The following INSYN2B variants were observed in gnomAD, a reference collection of about 807,000 sequenced individuals.
INSYN2B encodes the protein protein INSYN2B.
In INSYN2B, 16 loss-of-function variants were observed where a neutral mutation model predicts 41.2. That is an observed-to-expected ratio of 0.39 (90% CI 0.26 to 0.59). The LOEUF is 0.59. INSYN2B is among the 20% of genes least tolerant of loss of function. The pLI is 0.57. For synonymous variants in INSYN2B, 245 were observed against 244.4 expected (o/e 1.00, Z -0.02); for missense variants, 608 against 646.4 (o/e 0.94, Z 0.64).
intron 1 of INSYN2B, among the ~76,000 whole-genome samples, chr5:169,892,634 T>A (rs927371993): frequency 6.6e-6 from 1 of 152,208 alleles, no homozygotes; most frequent in African/African-American, 2.4e-5. Context: ...TCTAATTGCA[T>A]TTGTCACAGA....
At chr5:169,870,097 G>C (rs1246004865) in intron 3 of INSYN2B, among the ~76,000 whole-genome samples, 2 of 152,198 alleles carry the variant, frequency 1.3e-5, no homozygotes, top group Non-Finnish European at 2.9e-5. Flanking sequence ...CATGGGACCT[G>C]TGGTTTAGGG....
intron 1 of INSYN2B, among the ~76,000 whole-genome samples, chr5:169,915,080 A>G (rs1283995409): frequency 6.6e-6 from 1 of 152,218 alleles, no homozygotes; most frequent in Non-Finnish European, 1.5e-5. Flanking sequence ...CTTAGAATCA[A>G]TTCTAGGCCT....
At chr5:169,925,176 C>G (rs1775368397) in intron 1 of INSYN2B, among the ~76,000 whole-genome samples, 1 of 152,140 alleles carries the variant, frequency 6.6e-6, no homozygotes, top group Non-Finnish European at 1.5e-5. Flanking sequence ...AAAGGGGACT[C>G]TGTAGTAGGG....
intron 3 of INSYN2B, among the ~76,000 whole-genome samples, chr5:169,874,276 G>C (rs1772172431): frequency 6.6e-6 from 1 of 152,036 alleles, no homozygotes; most frequent in Admixed American, 6.6e-5. Context: ...AGCTGGGTGT[G>C]GTGGCGGGCA....
intron 3 of INSYN2B, among the ~76,000 whole-genome samples, chr5:169,874,373 A>G (rs1772178919): frequency 6.8e-6 from 1 of 146,780 alleles, no homozygotes; most frequent in Admixed American, 7.3e-5. Flanking sequence ...AGATTGTGCA[A>G]CTGCACTCCA....
intron 1 of INSYN2B, among the ~76,000 whole-genome samples, chr5:169,943,939 A>G (rs969006220): frequency 3.3e-5 from 5 of 152,228 alleles, no homozygotes; most frequent in Admixed American, 3.3e-4. Context: ...AAATTTAGAA[A>G]AGCCACTTTG....
At chr5:169,882,462 T>G in intron 2 of INSYN2B, 91 bp downstream of exon 2, 1 of 1,126,990 alleles carries the variant, frequency 8.9e-7, no homozygotes, top group Non-Finnish European at 1.2e-6. Context: ...TTGGAGACAT[T>G]TTTACTAAAA....
chr5:169,896,829 A>T (rs1773638898), intron 1 of INSYN2B, among the ~76,000 whole-genome samples: 1 of 152,250 alleles, frequency 6.6e-6, no homozygotes, highest in Non-Finnish European at 1.5e-5. Flanking sequence ...AAATGTTTAT[A>T]ATAAAATGCA....
intron 3 of INSYN2B, among the ~76,000 whole-genome samples, chr5:169,879,408 A>G (rs759457280): frequency 2.6e-5 from 4 of 152,186 alleles, no homozygotes; most frequent in African/African-American, 7.2e-5. Flanking sequence ...TGTTACTACG[A>G]TGGGGCTGTT....
chr5:169,929,405 C>A (rs965503964), intron 1 of INSYN2B, among the ~76,000 whole-genome samples: 1 of 152,074 alleles, frequency 6.6e-6, no homozygotes, highest in Non-Finnish European at 1.5e-5. Flanking sequence ...TACAGAACTC[C>A]TAGCTTATCT....
intron 1 of INSYN2B, among the ~76,000 whole-genome samples, chr5:169,918,643 T>C (rs1436078090): frequency 6.6e-6 from 1 of 152,230 alleles, no homozygotes; most frequent in Admixed American, 6.5e-5. Flanking sequence ...CCAGGTGCAG[T>C]GGCTCATGCC....
At chr5:169,916,659 G>A (rs966529634) in intron 1 of INSYN2B, among the ~76,000 whole-genome samples, 1 of 139,246 alleles carries the variant, frequency 7.2e-6, no homozygotes, top group East Asian at 2.1e-4. Flanking sequence ...TATTAGGTTA[G>A]GGATTGGTAA....
At chr5:169,887,201 A>T (rs925456145) in intron 1 of INSYN2B, among the ~76,000 whole-genome samples, 1 of 152,124 alleles carries the variant, frequency 6.6e-6, no homozygotes, top group Non-Finnish European at 1.5e-5. Flanking sequence ...CCACATTTTC[A>T]TTCTGAAAGT....
chr5:169,941,360 C>A (rs1433940603), intron 1 of INSYN2B, among the ~76,000 whole-genome samples: 3 of 152,036 alleles, frequency 2.0e-5, no homozygotes, highest in Admixed American at 1.3e-4. Flanking sequence ...GGCCTGTGCC[C>A]CCAGGCCCAG....
At chr5:169,944,266 C>T (rs1033497530) in intron 1 of INSYN2B, among the ~76,000 whole-genome samples, 4 of 152,184 alleles carry the variant, frequency 2.6e-5, no homozygotes, top group African/African-American at 9.7e-5. Flanking sequence ...CTGTGACCTG[C>T]CCATGCACAG....
chr5:169,955,748 T>G (rs1422691), intron 1 of INSYN2B, among the ~76,000 whole-genome samples: 150,008 of 152,270 alleles, frequency 0.99, 73,891 homozygotes, highest in Middle Eastern at 1. Flanking sequence ...TCTTCATCTG[T>G]GTAATGGGCA....
At chr5:169,951,993 A>G (rs780938369) in intron 1 of INSYN2B, among the ~76,000 whole-genome samples, 4 of 152,214 alleles carry the variant, frequency 2.6e-5, no homozygotes, top group Non-Finnish European at 4.4e-5. Flanking sequence ...TATACAAATG[A>G]CATTGTTGGT....
Position 169,883,028 on chromosome 5 carries a change from C to T in INSYN2B, c.871G>A (p.Gly291Ser). The T allele has an allele frequency of 6.4e-7, 1 of 1,551,566 alleles. No homozygotes were observed. The highest frequency in any genetic ancestry group is 8.7e-7 in the Non-Finnish European group (1 of 1,146,948). ...PKDNSDDKDL[G>S]SLSSQSKETC... ...TCCTTTGACTGAGATGACAGTGAGC[C>T]AAGGTCTTTGTCATCTGAGTTGTCT... is the stretch of plus-strand genomic sequence containing the variant. Residue 291 changes from glycine (G) to serine (S), a missense_variant, in exon 2 of 4, where the codon GGC (glycine) becomes AGC (serine). Physicochemically the swap from Gly to Ser is moderately conservative, Grantham distance 56 (BLOSUM62 0). Coordinates refer to ENST00000377365, the MANE Select transcript of INSYN2B (RefSeq NM_001129891.3).
chr5:169,906,058 T>G (rs1298793899), intron 1 of INSYN2B, among the ~76,000 whole-genome samples: 1 of 152,220 alleles, frequency 6.6e-6, no homozygotes, highest in East Asian at 1.9e-4. Flanking sequence ...GGGGTACTAA[T>G]TATAAATGAA....
Sources: allele counts gnomAD v4.1 joint callset (sites outside exome capture counted in the v4.1 genomes callset), GRCh38; gene constraint gnomAD v4.1.1; transcripts MANE v1.5; gene names NCBI Gene and HGNC (gene_info 2026-07-23, HGNC 2026-07-21).